Variants in PCDH15 observed in about 807,000 individuals in gnomAD.
The protein encoded by PCDH15 is protocadherin related 15.
Under a neutral mutation model 178.5 loss-of-function variants are expected in PCDH15, and 129 were observed. The ratio of observed to expected loss-of-function variants is 0.72; its 90% CI spans 0.63 to 0.84. The LOEUF is 0.84. Among genes scored for constraint, PCDH15 ranks in the 40% least tolerant of loss-of-function variants. PCDH15 has a pLI of 0.00. For missense variants in PCDH15, 2,230 were observed against 2,099.9 expected, an observed-to-expected ratio of 1.06 and a Z score of -1.21; for synonymous variants, 800 against 732.0, an observed-to-expected ratio of 1.09 and a Z score of -1.50.
intron 2 of PCDH15, among the ~76,000 whole-genome samples, chr10:55,068,187 G>GT (rs1369714253): frequency 1.3e-5 from 2 of 151,786 alleles, no homozygotes; most frequent in Non-Finnish European, 2.9e-5. Flanking sequence ...TTTTTCTTAT[G>GT]TTTTTTGTTA....
chr10:54,446,786 A>G (rs1343951393), intron 3 of PCDH15, among the ~76,000 whole-genome samples: 2 of 151,446 alleles, frequency 1.3e-5, no homozygotes, highest in African/African-American at 4.8e-5. Context: ...GCTTGCTTGC[A>G]CAAAAGCCAA....
At chr10:54,335,449 A>G (rs973382323) in intron 6 of PCDH15, among the ~76,000 whole-genome samples, 12 of 152,132 alleles carry the variant, frequency 7.9e-5, no homozygotes, top group African/African-American at 2.2e-4. Flanking sequence ...CCTCATGCAA[A>G]TTTCATCTTG....
chr10:54,067,723 A>G (rs1037366699), intron 17 of PCDH15, among the ~76,000 whole-genome samples: 20 of 149,720 alleles, frequency 1.3e-4, no homozygotes, highest in African/African-American at 4.7e-4. Flanking sequence ...CCTGGAAAGT[A>G]AGAAACCTGG....
At chr10:54,336,370 T>C (rs1941125882) in intron 6 of PCDH15, among the ~76,000 whole-genome samples, 1 of 152,154 alleles carries the variant, frequency 6.6e-6, no homozygotes, top group African/African-American at 2.4e-5. Context: ...TCAGAGACAT[T>C]TGTGGCAGCC....
intron 11 of PCDH15, among the ~76,000 whole-genome samples, chr10:54,195,373 A>G (rs1306886067): frequency 6.6e-6 from 1 of 152,172 alleles, no homozygotes; most frequent in Non-Finnish European, 1.5e-5. Context: ...TGCTTTATCA[A>G]TAATTATATA....
In PCDH15 at chr10:54,102,541, G is replaced by C. The variant is rs139542419; in HGVS notation, c.1918-12478C>G. ...AGGCCAAATAGGAGAGTTGAACAGG[G>C]ATGTGGTGATTACCACCCCTGTAGC... On this transcript the variant is annotated intron_variant, in intron 15 of 37. Transcript: ENST00000644397. Among the ~76,000 whole-genome samples, 285 of 152,310 alleles carry C rather than the reference G, an allele frequency of 1.9e-3. 2 individuals are homozygous for C. Among genetic ancestry groups the C allele is most frequent in the African/African-American group, 6.2e-3 (257 of 41,566 alleles).
intron 2 of PCDH15, among the ~76,000 whole-genome samples, chr10:54,641,279 T>G (rs887606317): frequency 2.0e-5 from 3 of 152,120 alleles, no homozygotes; most frequent in Admixed American, 6.5e-5. Context: ...CTTCTATAAA[T>G]GCTTATCTTG....
intron 2 of PCDH15, among the ~76,000 whole-genome samples, chr10:55,502,214 A>G (rs1364023837): frequency 6.6e-6 from 1 of 151,566 alleles, no homozygotes; most frequent in Non-Finnish European, 1.5e-5. Context: ...CGTCATTTCC[A>G]ATCTCTTTCT....
chr10:54,900,466 T>C (rs1007517299), intron 2 of PCDH15, among the ~76,000 whole-genome samples: 1 of 152,210 alleles, frequency 6.6e-6, no homozygotes, highest in Non-Finnish European at 1.5e-5. Context: ...TAGTATTTAG[T>C]TAAGGTGGTA....
At chr10:54,044,614 G>T (rs2093621545) in intron 18 of PCDH15, among the ~76,000 whole-genome samples, 1 of 152,104 alleles carries the variant, frequency 6.6e-6, no homozygotes, top group Non-Finnish European at 1.5e-5. Flanking sequence ...ATCAGAGGCA[G>T]ATGGATGAAA....
intron 1 of PCDH15, among the ~76,000 whole-genome samples, chr10:54,730,312 G>C (rs535427109): frequency 6.6e-6 from 1 of 151,392 alleles, no homozygotes; most frequent in Non-Finnish European, 1.5e-5. Flanking sequence ...AAAACCAAAT[G>C]CCATATATTC....
intron 21 of PCDH15, among the ~76,000 whole-genome samples, chr10:53,977,613 C>T (rs2090293054): frequency 1.3e-5 from 2 of 152,160 alleles, no homozygotes; most frequent in African/African-American, 4.8e-5. Context: ...ATCTCATGAC[C>T]TCACATTTCA....
intron 2 of PCDH15, among the ~76,000 whole-genome samples, chr10:54,905,131 G>C (rs1467563574): frequency 6.6e-6 from 1 of 151,882 alleles, no homozygotes; most frequent in African/African-American, 2.4e-5. Context: ...CAAGGATTTG[G>C]CCTCAAAGTC....
chr10:55,168,916 A>G (rs2132121046), intron 1 of PCDH15, among the ~76,000 whole-genome samples: 1 of 152,302 alleles, frequency 6.6e-6, no homozygotes, highest in Non-Finnish European at 1.5e-5. Flanking sequence ...GATCTTAAAT[A>G]GAGAGTGTAG....
In PCDH15 at chr10:54,901,617, C is replaced by T. The variant is rs1040790266; in HGVS notation, c.-79-4117G>A. On this transcript the variant is annotated intron_variant, in intron 2 of 5. Transcript: ENST00000458638. ...TTAAATAAATGTCATTTTTTTCTAACATGTAGTCAATGTAATTTACCTGGC... is the reference window on the plus strand; with the variant it reads ...TTAAATAAATGTCATTTTTTTCTAATATGTAGTCAATGTAATTTACCTGGC... Among the ~76,000 whole-genome samples the T allele has an allele frequency of 4.6e-5, 7 of 152,020 alleles. No individual in the cohort carries two copies. The South Asian group carries it at 8.3e-4, about 18-fold the overall frequency.
chr10:53,944,884 T>A (rs2086393622), intron 23 of PCDH15, among the ~76,000 whole-genome samples: 1 of 152,218 alleles, frequency 6.6e-6, no homozygotes, highest in Non-Finnish European at 1.5e-5. Context: ...TCACAAGGCT[T>A]GACCTGAATT....
At chr10:54,887,632 T>C (rs541845571) in intron 3 of PCDH15, among the ~76,000 whole-genome samples, 19 of 152,134 alleles carry the variant, frequency 1.2e-4, no homozygotes, top group Non-Finnish European at 2.6e-4. Context: ...TATTCTCTAT[T>C]AGATATAATT....
At chr10:54,011,439 G>A (rs909018870) in intron 20 of PCDH15, among the ~76,000 whole-genome samples, 5 of 152,174 alleles carry the variant, frequency 3.3e-5, no homozygotes, top group African/African-American at 1.2e-4. Context: ...CCCTTCCCTT[G>A]TTGTGTCTAA....
chr10:55,363,864 T>C (rs1181637024), intron 2 of PCDH15, among the ~76,000 whole-genome samples: 1 of 152,118 alleles, frequency 6.6e-6, no homozygotes, highest in African/African-American at 2.4e-5. Flanking sequence ...TCTGGAACTC[T>C]GACCTCAAGT....
Sources: allele counts gnomAD v4.1 joint callset (sites outside exome capture counted in the v4.1 genomes callset), GRCh38; gene constraint gnomAD v4.1.1; transcripts MANE v1.5; gene names NCBI Gene and HGNC (gene_info 2026-07-23, HGNC 2026-07-21).